The following CCSER1 variants were observed in gnomAD, a reference collection of about 807,000 sequenced individuals.
The protein encoded by CCSER1 is serine-rich coiled-coil domain-containing protein 1.
In CCSER1, 41 loss-of-function variants were observed where a neutral mutation model predicts 82.0. The observed-to-expected ratio is 0.50, with a 90% CI of 0.39 to 0.65. CCSER1 has a LOEUF of 0.65. CCSER1 is among the 30% of genes least tolerant of loss of function. The probability of loss-of-function intolerance (pLI) is 0.00; values close to 1 mark genes in which losing one functional copy is unlikely to be tolerated. For synonymous variants in CCSER1, 414 were observed against 383.9 expected, an observed-to-expected ratio of 1.08 and a Z score of -0.92; for missense variants, 1,119 against 1,064.2, an observed-to-expected ratio of 1.05 and a Z score of -0.72.
chr4:91,386,522 G>A (rs1476242141), intron 10 of CCSER1, among the ~76,000 whole-genome samples: 1 of 151,974 alleles, frequency 6.6e-6, no homozygotes, highest in African/African-American at 2.4e-5. Context: ...TCATCACTTT[G>A]CAACCACCAT....
chr4:90,370,117 G>C (rs1747122155), intron 3 of CCSER1: 1 of 151,986 alleles, frequency 6.6e-6, no homozygotes, highest in South Asian at 2.1e-4. Context: ...AAACATGTTG[G>C]TTATTAGGTG....
chr4:90,412,853 A>C (rs1010536912), intron 4 of CCSER1, among the ~76,000 whole-genome samples: 1 of 152,188 alleles, frequency 6.6e-6, no homozygotes, highest in Admixed American at 6.5e-5. Context: ...GAACAAGACA[A>C]AGATGCTCAC....
chr4:90,259,319 G>A (rs1214672214), intron 1 of CCSER1, among the ~76,000 whole-genome samples: 2 of 152,070 alleles, frequency 1.3e-5, no homozygotes, highest in Admixed American at 1.3e-4. Flanking sequence ...CATTGATTTT[G>A]TAATGTGAGA....
intron 6 of CCSER1, among the ~76,000 whole-genome samples, chr4:90,659,710 A>G (rs573466468): frequency 2.0e-5 from 3 of 152,112 alleles, no homozygotes; most frequent in Non-Finnish European, 4.4e-5. Context: ...TTATCACTCT[A>G]TATAGCATTT....
At chr4:90,933,004 GAAAGAA>G (rs1159918256) in intron 9 of CCSER1, among the ~76,000 whole-genome samples, 1 of 69,956 alleles carries the variant, frequency 1.4e-5, no homozygotes, top group South Asian at 3.3e-4. Context: ...AAGAAAGAAA[GAAAGAA>G]AGAAAGAAAG....
At chr4:91,141,646 G>C (rs569496569) in intron 10 of CCSER1, among the ~76,000 whole-genome samples, 33 of 152,186 alleles carry the variant, frequency 2.2e-4, no homozygotes, top group Admixed American at 1.7e-3. Flanking sequence ...TAAATACTGA[G>C]TAATGTGACT....
intron 10 of CCSER1, among the ~76,000 whole-genome samples, chr4:91,576,681 A>G (rs1553957900): frequency 6.6e-6 from 1 of 151,912 alleles, no homozygotes; most frequent in Non-Finnish European, 1.5e-5. Context: ...CTAAACATGA[A>G]ATTCATTTTT....
chr4:90,532,282 C>G (rs1774630137), intron 5 of CCSER1, among the ~76,000 whole-genome samples: 1 of 152,164 alleles, frequency 6.6e-6, no homozygotes, highest in Non-Finnish European at 1.5e-5. Context: ...TCTCTAAATT[C>G]AGCAGGCACA....
intron 5 of CCSER1, among the ~76,000 whole-genome samples, chr4:90,479,873 A>G (rs1034306172): frequency 6.6e-5 from 10 of 152,180 alleles, no homozygotes; most frequent in African/African-American, 2.4e-4. Context: ...ATGATTTATA[A>G]TCCTTTGGAT....
chr4:91,403,853 TTC>T (rs1752507692), intron 10 of CCSER1, among the ~76,000 whole-genome samples: 1 of 152,186 alleles, frequency 6.6e-6, no homozygotes, highest in South Asian at 2.1e-4. Flanking sequence ...TGGTCTAAAA[TTC>T]TCTTTTTTTG....
chr4:90,864,724 G>A (rs1367372543), intron 8 of CCSER1, among the ~76,000 whole-genome samples: 1 of 152,048 alleles, frequency 6.6e-6, no homozygotes, highest in Non-Finnish European at 1.5e-5. Flanking sequence ...TCTATGGGAA[G>A]AGTGGTTATT....
intron 5 of CCSER1, among the ~76,000 whole-genome samples, chr4:90,623,220 G>C (rs1366506862): frequency 6.6e-6 from 1 of 151,656 alleles, no homozygotes; most frequent in Non-Finnish European, 1.5e-5. Flanking sequence ...ATTTTTAGTA[G>C]AGACAGGGTT....
intron 3 of CCSER1, among the ~76,000 whole-genome samples, chr4:90,315,010 A>G (rs1009088076): frequency 1.3e-5 from 2 of 151,272 alleles, no homozygotes; most frequent in Non-Finnish European, 3.0e-5. Flanking sequence ...CCATGCACAG[A>G]TAATTTTTGT....
intron 10 of CCSER1, among the ~76,000 whole-genome samples, chr4:91,107,336 C>T (rs1190215394): frequency 6.6e-6 from 1 of 152,174 alleles, no homozygotes; most frequent in Non-Finnish European, 1.5e-5. Flanking sequence ...CTCACTGCAA[C>T]CTCCACCTCC....
chr4:90,687,910 C>T (rs17017393), intron 6 of CCSER1, among the ~76,000 whole-genome samples: 4,498 of 152,192 alleles, frequency 0.03, 209 homozygotes, highest in African/African-American at 0.1. Context: ...CGGATACCTG[C>T]GCGCTGACTC....
intron 10 of CCSER1, among the ~76,000 whole-genome samples, chr4:91,285,819 T>C (rs1560566557): frequency 6.6e-6 from 1 of 151,894 alleles, no homozygotes; most frequent in Non-Finnish European, 1.5e-5. Context: ...TTGTGGTGCT[T>C]ATCAAAGTTG....
chr4:90,566,651 G>A lies in CCSER1; in HGVS notation c.1725-61374G>A, dbSNP rs188420620. Among the ~76,000 whole-genome samples the A allele has an allele frequency of 4.8e-3, 722 of 150,462 alleles. 9 individuals are homozygous for A. The highest frequency in any genetic ancestry group is 4.6e-3 in the Non-Finnish European group (314 of 67,786). ...GGAGTCTCGCTCTGTCGCCCAGGCTGGAGTGCAGTGGCGCAATCTCGGCTC... is the reference window on the plus strand; with the variant it reads ...GGAGTCTCGCTCTGTCGCCCAGGCTAGAGTGCAGTGGCGCAATCTCGGCTC... On this transcript the variant is annotated intron_variant, in intron 5 of 10. Transcript: ENST00000509176.
intron 6 of CCSER1, chr4:90,693,353 T>A (rs2149244595): frequency 6.6e-6 from 1 of 152,084 alleles, no homozygotes; most frequent in Middle Eastern, 3.4e-3. Context: ...AAAACAATTC[T>A]TACCACAAAT....
intron 10 of CCSER1, among the ~76,000 whole-genome samples, chr4:91,354,216 T>C (rs1052044982): frequency 6.6e-6 from 1 of 152,158 alleles, no homozygotes; most frequent in Admixed American, 6.6e-5. Context: ...AAGTGGCAGG[T>C]CTATAATATT....
Sources: allele counts gnomAD v4.1 joint callset (sites outside exome capture counted in the v4.1 genomes callset), GRCh38; gene constraint gnomAD v4.1.1; transcripts MANE v1.5; gene names NCBI Gene and HGNC (gene_info 2026-07-23, HGNC 2026-07-21).